The following CLGN variants were observed in gnomAD, a reference collection of about 807,000 sequenced individuals.
CLGN encodes the protein testis tissue sperm-binding protein Li 79P.
Under a neutral mutation model 79.1 loss-of-function variants are expected in CLGN, and 62 were observed. That is an observed-to-expected ratio of 0.78 (90% confidence interval 0.64 to 0.97). CLGN has a LOEUF of 0.97. Among genes scored for constraint, CLGN ranks in the 50% least tolerant of loss-of-function variants. CLGN has a pLI of 0.00. For missense variants in CLGN, 647 were observed against 715.5 expected (o/e 0.90, Z 1.09); for synonymous variants, 225 against 224.7 (o/e 1.00, Z -0.01).
chr4:140,418,336 G>A (rs2126632954), intron 1 of CLGN, among the ~76,000 whole-genome samples: 1 of 148,384 alleles, frequency 6.7e-6, no homozygotes, highest in South Asian at 2.2e-4. Flanking sequence ...GGCAACAAAA[G>A]CCAAAATTGA....
Position 140,406,094 on chromosome 4 carries a change from A to C in CLGN, c.278-11T>G. The C allele has an allele frequency of 6.2e-7, 1 of 1,610,678 alleles. No homozygotes were observed. Among genetic ancestry groups the C allele is most frequent in the Non-Finnish European group, 8.5e-7 (1 of 1,178,710 alleles). ...CAATTTCCCATCTTCCTAAAAAATA[A>C]AGCAAAGCAAATTAAACTAAAACAG... On this transcript the variant is annotated splice_polypyrimidine_tract_variant and intron_variant, in intron 4 of 14. Coordinates refer to ENST00000325617, the MANE Select transcript of CLGN (RefSeq NM_004362.3).
intron 1 of CLGN, chr4:140,426,786 T>C (rs1279138869): frequency 2.6e-5 from 4 of 152,284 alleles, no homozygotes; most frequent in African/African-American, 9.6e-5. Flanking sequence ...CTTGGGCAGA[T>C]GCTATAAATA....
intron 8 of CLGN, 76 bp from the exon 9 acceptor site, chr4:140,396,281 A>G (rs1298218895): frequency 4.3e-6 from 5 of 1,165,984 alleles, no homozygotes; most frequent in South Asian, 2.6e-5. Flanking sequence ...AGAAGGTACC[A>G]TAAAATTATT....
chr4:140,407,482 C>G (rs1198795330), intron 4 of CLGN, among the ~76,000 whole-genome samples: 1 of 151,678 alleles, frequency 6.6e-6, no homozygotes, highest in Admixed American at 6.6e-5. Context: ...CAATAAAAGT[C>G]TCAGCTTACA....
rs555972644 is a variant in CLGN at position 140,395,743 on chromosome 4, A to T, written c.1149+76T>A. 5.8e-4 allele frequency: 704 copies of T among 1,214,738 alleles called. 1 individual carries two copies. The highest frequency in any genetic ancestry group is 1.9e-3 in the Admixed American group (67 of 34,394). The allele number at this position is 1,214,738 out of a possible 1,614,324, so 75.2% of individuals were successfully genotyped here. On this transcript the variant is annotated intron_variant, in intron 10 of 14. Transcript: ENST00000325617. ...AAATGAAACTTCCAAAAGTTGACAT[A>T]GGTAATTAGATATTTAAATAGAAAA... is the stretch of plus-strand genomic sequence containing the variant.
Position 140,400,506 on chromosome 4 carries a change from G to A in CLGN, c.545C>T (p.Pro182Leu). ...TTTATAATCTTCTCCACATTTATCT[G>A]GTCCAAACATAATGATATAGGATGT... ...DKTSYIIMFGPDKCGEDYKLH... is the reference protein window; with the variant it reads ...DKTSYIIMFGLDKCGEDYKLH... Residue 182 changes from proline (P) to leucine (L), a missense_variant, in exon 7 of 15, where the codon CCA becomes CTA. Coordinates refer to ENST00000325617, the MANE Select transcript of CLGN (RefSeq NM_004362.3). 1 of 1,603,872 alleles carries A rather than the reference G, an allele frequency of 6.2e-7. No homozygotes were observed. The highest frequency in any genetic ancestry group is 8.5e-7 in the Non-Finnish European group (1 of 1,172,136).
rs373256495 is a variant in CLGN, at chr4:140,394,065, A to G, written c.1150-24T>C. On this transcript the variant is annotated intron_variant, in intron 10 of 14. Transcript: ENST00000325617. ...CCCTGGAAGAAAAGTAATTGAAGAC[A>G]TTTTCAAATAAAATAACTTCATTAT... The G allele has an allele frequency of 6.2e-4, 942 of 1,523,670 alleles. 18 individuals carry two copies. The South Asian group carries it at 8.7e-3, about 14-fold the overall frequency. The allele number at this position is 1,523,670 out of a possible 1,614,324, so 94.4% of individuals were successfully genotyped here. A position where few individuals can be genotyped will look rare whatever the true frequency, so the allele number is the denominator to read the frequency against.
At chr4:140,400,991 C>T (rs1013830144) in intron 6 of CLGN, among the ~76,000 whole-genome samples, 2 of 152,096 alleles carry the variant, frequency 1.3e-5, no homozygotes, top group East Asian at 1.9e-4. Context: ...AAAACAGACA[C>T]GAGGACATGA....
intron 13 of CLGN, among the ~76,000 whole-genome samples, chr4:140,391,333 T>C (rs1728767739): frequency 6.6e-6 from 1 of 151,790 alleles, no homozygotes; most frequent in African/African-American, 2.4e-5. Flanking sequence ...AGTACCTTTA[T>C]ACAAGCAGGC....
chr4:140,419,858 C>A lies in CLGN; in HGVS notation c.-9-6771G>T, dbSNP rs190469455. 5.3e-5 allele frequency among the ~76,000 whole-genome samples: 8 copies of A among 152,090 alleles called. No homozygotes were observed. In the East Asian group the frequency reaches 1.5e-3, roughly 29 times the overall value. The stretch of plus-strand genomic sequence containing the variant: ...TTGACACAATGAAATAGGCTTATTT[C>A]CTTAATTTCCTAGTTATTGGCACAG... On this transcript the variant is annotated intron_variant, in intron 1 of 14. Coordinates refer to ENST00000325617, the MANE Select transcript of CLGN (RefSeq NM_004362.3).
At chr4:140,423,112 T>C (rs1360798229) in intron 1 of CLGN, among the ~76,000 whole-genome samples, 2 of 152,242 alleles carry the variant, frequency 1.3e-5, no homozygotes, top group East Asian at 1.9e-4. Context: ...CCTTGTCTTA[T>C]TCTAGATCTT....
chr4:140,392,248 T>A lies in CLGN; in HGVS notation c.1622A>T (p.Lys541Met). The part of the protein sequence containing the change: ...EKPMDLEEEK[K>M]QNDGEMLEKE... Reference sequence around the variant, plus strand: ...TTCAAGCATTTCACCATCATTTTGCTTTTTTTCCTCTTCCAGGTCCATTGG... The same window carrying A: ...TTCAAGCATTTCACCATCATTTTGCATTTTTTCCTCTTCCAGGTCCATTGG... Residue 541 changes from lysine to methionine, a missense_variant, in exon 13 of 15, where the codon AAG (lysine) becomes ATG (methionine). Lys to Met is a moderately conservative substitution (Grantham distance 95). Transcript: ENST00000325617. 1 of 1,612,730 alleles carries A rather than the reference T, an allele frequency of 6.2e-7. No homozygotes were observed. Among genetic ancestry groups the A allele is most frequent in the Non-Finnish European group, 8.5e-7 (1 of 1,179,400 alleles).
chr4:140,408,429 A>C (rs1381482364), intron 4 of CLGN, among the ~76,000 whole-genome samples: 1 of 152,184 alleles, frequency 6.6e-6, no homozygotes, highest in African/African-American at 2.4e-5. Context: ...TAACCTATGA[A>C]TCTGACAAAG....
intron 8 of CLGN, among the ~76,000 whole-genome samples, chr4:140,397,618 A>G (rs1728916932): frequency 6.6e-6 from 1 of 152,188 alleles, no homozygotes; most frequent in African/African-American, 2.4e-5. Flanking sequence ...TTTAAAAAGA[A>G]CACTTAGGCT....
At chr4:140,396,862 C>T (rs1350764869) in intron 8 of CLGN, among the ~76,000 whole-genome samples, 1 of 94,232 alleles carries the variant, frequency 1.1e-5, no homozygotes, top group Non-Finnish European at 2.2e-5. Context: ...CTGGCTGGAG[C>T]ATATATATAT....
intron 1 of CLGN, among the ~76,000 whole-genome samples, chr4:140,420,163 G>T (rs1729436471): frequency 6.6e-6 from 1 of 151,962 alleles, no homozygotes; most frequent in East Asian, 1.9e-4. Flanking sequence ...TTTGAACTCT[G>T]GTGTACTGGG....
At chr4:140,396,335 C>T (rs1219750953) in intron 8 of CLGN, 130 bp from the exon 9 acceptor site, 1 of 795,740 alleles carries the variant, frequency 1.3e-6, no homozygotes, top group Admixed American at 2.5e-5. Context: ...TCATCTACTA[C>T]CCACCTAAAT....
intron 1 of CLGN, among the ~76,000 whole-genome samples, chr4:140,426,113 A>G (rs1457069153): frequency 6.6e-6 from 1 of 152,188 alleles, no homozygotes; most frequent in African/African-American, 2.4e-5. Context: ...ATGTGGCTTC[A>G]GGAATGCAAT....
intron 8 of CLGN, 77 bp from the exon 9 acceptor site, chr4:140,396,282 T>G: frequency 8.8e-7 from 1 of 1,140,664 alleles, no homozygotes; most frequent in Non-Finnish European, 1.3e-6. Flanking sequence ...GAAGGTACCA[T>G]AAAATTATTT....
Sources: allele counts gnomAD v4.1 joint callset (sites outside exome capture counted in the v4.1 genomes callset), GRCh38; gene constraint gnomAD v4.1.1; transcripts MANE v1.5; gene names NCBI Gene and HGNC (gene_info 2026-07-23, HGNC 2026-07-21).